The following TENM3 variants were observed in gnomAD, a reference collection of about 807,000 sequenced individuals.
TENM3 encodes teneurin-3.
A neutral mutation model predicts 255.1 loss-of-function variants in TENM3; 63 were observed. That is an observed-to-expected ratio of 0.25 (90% CI 0.20 to 0.30). The LOEUF is 0.30. TENM3 is among the 10% of genes least tolerant of loss of function. The pLI is 1.00. For missense variants in TENM3, 2,929 were observed against 3,461.1 expected (o/e 0.85, Z 3.86); for synonymous variants, 1,306 against 1,322.3 (o/e 0.99, Z 0.27).
At chr4:181,816,350 T>C in the TENM3 span, among the ~76,000 whole-genome samples, 6 of 152,184 alleles carry the variant, frequency 3.9e-5, no homozygotes, top group East Asian at 1.9e-4. Flanking sequence ...ATTTTGCTTT[T>C]TAAAATCTTA....
chr4:182,178,828 T>C (rs564947269), intron 1 of TENM3, among the ~76,000 whole-genome samples: 2 of 152,244 alleles, frequency 1.3e-5, no homozygotes, highest in Non-Finnish European at 2.9e-5. Context: ...AATGTTTGTA[T>C]ATCAGCTTCT....
At chr4:182,565,144 C>T (rs893920505) in intron 3 of TENM3, among the ~76,000 whole-genome samples, 4 of 152,152 alleles carry the variant, frequency 2.6e-5, no homozygotes, top group Non-Finnish European at 5.9e-5. Flanking sequence ...TTATAAAGTA[C>T]ACGTCTTAAT....
the TENM3 span, among the ~76,000 whole-genome samples, chr4:182,034,457 T>C: frequency 6.6e-6 from 1 of 152,168 alleles, no homozygotes; most frequent in Admixed American, 6.5e-5. Context: ...GCAGATTTGT[T>C]GATGTAGTTG....
chr4:182,737,058 G>C lies in TENM3; in HGVS notation c.3218G>C (p.Gly1073Ala). The stretch of plus-strand genomic sequence containing the variant: ...GATGCATATAATCAGAAAGTCTATG[G>C]TCTATCTGAAGCTGTTGGTAAGTTC... ...KTDAYNQKVY[G>A]LSEAVVSVGY... The change falls in exon 17 of 28, where the codon GGT becomes GCT. Residue 1073 changes from glycine (G) to alanine (A), a missense_variant. By Grantham distance (60) the Gly-to-Ala change is moderately conservative (BLOSUM62 0). Around this residue, in one of 6 missense-constraint regions of TENM3, gnomAD observed 1,608 missense variants for 1,884.4 expected, o/e 0.85. Transcript: ENST00000511685. 6.2e-7 allele frequency: 1 copy of C among 1,613,602 alleles called. No homozygotes were observed. Among genetic ancestry groups the C allele is most frequent in the Non-Finnish European group, 8.5e-7 (1 of 1,179,718 alleles).
chr4:182,020,337 GC>G, the TENM3 span, among the ~76,000 whole-genome samples: 6 of 151,998 alleles, frequency 3.9e-5, no homozygotes, highest in African/African-American at 1.4e-4. Context: ...TTGCACTCCA[GC>G]CTGGGCAACA....
chr4:181,607,879 T>C, the TENM3 span, among the ~76,000 whole-genome samples: 2 of 152,214 alleles, frequency 1.3e-5, no homozygotes, highest in South Asian at 4.1e-4. Flanking sequence ...TTCAAATTAA[T>C]TGCTTATATT....
the TENM3 span, among the ~76,000 whole-genome samples, chr4:181,850,627 G>A: frequency 6.6e-6 from 1 of 152,038 alleles, no homozygotes; most frequent in African/African-American, 2.4e-5. Flanking sequence ...TTATTTGCAT[G>A]AAATACATAT....
Position 182,346,944 on chromosome 4 carries a change from T to C in TENM3, c.511+15T>C. 1 of 1,526,726 alleles carries C rather than the reference T, an allele frequency of 6.5e-7. No homozygotes were observed. The highest frequency in any genetic ancestry group is 8.9e-7 in the Non-Finnish European group (1 of 1,124,896). 94.6% of individuals were successfully genotyped at this position (1,526,726 alleles called of 1,614,324 possible). A position where few individuals can be genotyped will look rare whatever the true frequency, so the allele number is the denominator to read the frequency against. Reference sequence around the variant, plus strand: ...CAGTGAGAATGGTAAGTTTCCTTTTTGGCTTTATAATGTTGGCATTCAGTG... The same window carrying C: ...CAGTGAGAATGGTAAGTTTCCTTTTCGGCTTTATAATGTTGGCATTCAGTG... On this transcript the variant is annotated intron_variant, in intron 3 of 27. Transcript: ENST00000511685.
At chr4:182,579,111 C>T (rs1745234408) in intron 3 of TENM3, among the ~76,000 whole-genome samples, 6 of 152,190 alleles carry the variant, frequency 3.9e-5, no homozygotes, top group African/African-American at 7.2e-5. Flanking sequence ...TGTATCTCCA[C>T]GGTACTTAAC....
At chr4:181,988,781 G>A in the TENM3 span, among the ~76,000 whole-genome samples, 1 of 151,630 alleles carries the variant, frequency 6.6e-6, no homozygotes, top group South Asian at 2.1e-4. Flanking sequence ...CCCAAAAAGG[G>A]GCCTGCTCTT....
the TENM3 span, among the ~76,000 whole-genome samples, chr4:182,036,807 T>C: frequency 6.6e-6 from 1 of 152,162 alleles, no homozygotes; most frequent in African/African-American, 2.4e-5. Flanking sequence ...ATAAAAAAAT[T>C]ACTTAAATAC....
At chr4:182,224,844 C>A (rs2149981370) in intron 1 of TENM3, among the ~76,000 whole-genome samples, 1 of 151,344 alleles carries the variant, frequency 6.6e-6, no homozygotes, top group Admixed American at 6.6e-5. Flanking sequence ...TCAAGCAATT[C>A]TCCTGCCTCA....
At chr4:182,616,797 T>C (rs1196300380) in intron 4 of TENM3, among the ~76,000 whole-genome samples, 1 of 152,164 alleles carries the variant, frequency 6.6e-6, no homozygotes, top group Non-Finnish European at 1.5e-5. Context: ...TAGATATCTC[T>C]GGATGTCTAT....
At chr4:182,711,638 A>G (rs1035821078) in intron 12 of TENM3, 1 of 823,284 alleles carries the variant, frequency 1.2e-6, no homozygotes, top group African/African-American at 1.8e-5. Context: ...ATATCTACAT[A>G]TATATCTCTA....
In TENM3 at chr4:182,729,254, C is replaced by T. The variant is rs1760484866; in HGVS notation, c.2585+73C>T. 4.4e-5 allele frequency: 58 copies of T among 1,306,286 alleles called. No homozygotes were observed. In the South Asian group the frequency reaches 7.0e-4, roughly 16 times the overall value. 80.9% of individuals were successfully genotyped at this position (1,306,286 alleles called of 1,614,324 possible). On this transcript the variant is annotated intron_variant, in intron 14 of 27. Coordinates refer to ENST00000511685, the MANE Select transcript of TENM3 (RefSeq NM_001080477.4). ...GTTACATACACTTATGTGAAATACT[C>T]ATGACTGTGAACCTGAGGAAAGTGC...
At chr4:182,566,450 A>T (rs1306170764) in intron 3 of TENM3, among the ~76,000 whole-genome samples, 1 of 152,200 alleles carries the variant, frequency 6.6e-6, no homozygotes, top group Non-Finnish European at 1.5e-5. Context: ...GGGACTAAAC[A>T]AAACTAAACT....
intron 11 of TENM3, among the ~76,000 whole-genome samples, chr4:182,685,609 A>G (rs1756510259): frequency 1.3e-5 from 2 of 152,158 alleles, no homozygotes; most frequent in Non-Finnish European, 2.9e-5. Context: ...AACCCTTTCC[A>G]CAAAAAATAT....
chr4:182,232,099 T>C (rs187964640), intron 1 of TENM3, among the ~76,000 whole-genome samples: 6 of 152,306 alleles, frequency 3.9e-5, no homozygotes, highest in Admixed American at 2.6e-4. Flanking sequence ...TTATCTTGTT[T>C]TGAGGTCTTT....
chr4:182,478,619 A>T (rs2151497351), intron 3 of TENM3, among the ~76,000 whole-genome samples: 1 of 152,100 alleles, frequency 6.6e-6, no homozygotes, highest in Admixed American at 6.5e-5. Context: ...GCAGTAAAAA[A>T]ATTTATATGT....
Sources: gnomAD v4.1 joint callset for allele counts (sites outside exome capture counted in the v4.1 genomes callset) on GRCh38, gnomAD v4.1.1 for gene constraint, gnomAD v4.1.1 regional missense constraint, MANE v1.5 for transcripts, NCBI Gene and HGNC (gene_info 2026-07-23, HGNC 2026-07-21) for gene names.